The following DRC3 variants were observed in gnomAD, a reference collection of about 807,000 sequenced individuals.
DRC3 encodes the protein leucine rich repeat containing 48.
Under a neutral mutation model 57.6 loss-of-function variants are expected in DRC3, and 45 were observed. The observed-to-expected ratio is 0.78, with a 90% confidence interval of 0.62 to 1.00. DRC3 has a LOEUF of 1.00. DRC3 is among the 50% of genes least tolerant of loss of function. The pLI is 0.00. For synonymous variants in DRC3, 257 were observed against 272.3 expected (o/e 0.94, Z 0.55); for missense variants, 655 against 675.2 (o/e 0.97, Z 0.33).
chr17:17,985,202 C>T (rs899318238), intron 4 of DRC3, among the ~76,000 whole-genome samples: 1 of 152,240 alleles, frequency 6.6e-6, no homozygotes, highest in Non-Finnish European at 1.5e-5. Context: ...AACCTGAATA[C>T]TGGTCTTGGT....
At chr17:18,011,575 C>T in intron 12 of DRC3, 1 of 166,858 alleles carries the variant, frequency 6.0e-6, no homozygotes, top group South Asian at 1.2e-4. Context: ...GGCCTCTGTG[C>T]CCAAGAAGAT....
intron 12 of DRC3, chr17:18,007,919 C>T: frequency 1.1e-6 from 1 of 918,222 alleles, no homozygotes; most frequent in Non-Finnish European, 1.3e-6. Context: ...TCTTTACTGT[C>T]CTCTTACAGT....
chr17:17,983,669 T>G lies in DRC3; in HGVS notation c.161-159T>G, dbSNP rs534278639. ...CGCCCACCTCATAGGGACACAATGT[T>G]CCTCGATGCTCAGCCGACATCTCCA... On this transcript the variant is annotated intron_variant, in intron 3 of 13. Coordinates refer to ENST00000399187, the MANE Select transcript of DRC3 (RefSeq NM_031294.4). Among the ~76,000 whole-genome samples, 4 of 152,244 alleles carry G rather than the reference T, an allele frequency of 2.6e-5. No homozygotes were observed. In the East Asian group the frequency reaches 7.7e-4, roughly 29 times the overall value.
intron 3 of DRC3, among the ~76,000 whole-genome samples, chr17:17,981,914 C>T (rs1311930536): frequency 1.3e-5 from 2 of 151,298 alleles, no homozygotes; most frequent in African/African-American, 4.9e-5. Flanking sequence ...TCTCAAACTC[C>T]TGGTCTCAAG....
chr17:17,979,015 G>A (rs2042527195), intron 3 of DRC3, among the ~76,000 whole-genome samples: 2 of 152,292 alleles, frequency 1.3e-5, no homozygotes, highest in African/African-American at 2.4e-5. Flanking sequence ...TGGTGTGGAG[G>A]AAAAAAGGAA....
rs750640489 is a variant in DRC3 at position 17,977,733 on chromosome 17, C to T, written c.135C>T (p.Val45=). Residue 45 remains valine (V), a synonymous_variant, in exon 3 of 14, where the codon GTC becomes GTT. Transcript: ENST00000399187. The part of the protein sequence containing the change: ...AKQEGILFKD[V]LSLQLDFRNI... ...AGGAGGGCATCCTCTTCAAGGATGT[C>T]CTGTCCCTGCAGCTGGACTTTCGGA... 1.9e-6 allele frequency: 3 copies of T among 1,610,014 alleles called. No homozygotes were observed. Among genetic ancestry groups the T allele is most frequent in the East Asian group, 2.2e-5 (1 of 44,786 alleles).
rs538328562 is a variant in DRC3, at chr17:17,983,883, G to A, written c.216G>A (p.Leu72=). 16 of 1,613,502 alleles carry A rather than the reference G, an allele frequency of 9.9e-6. No individual in the cohort carries two copies. The highest frequency in any genetic ancestry group is 1.6e-4 in the Middle Eastern group (1 of 6,076). Residue 72 remains leucine (L), a synonymous_variant, in exon 4 of 14, where the codon CTG becomes CTA. Coordinates refer to ENST00000399187, the MANE Select transcript of DRC3 (RefSeq NM_031294.4). ...WQFENLRKLQ[L]DNNIIEKIEG... is the part of the protein sequence containing the mutation. ...TTGAGAACTTGAGGAAGCTGCAGCT[G>A]GACAATAACATCATTGAGAAGATCG...
chr17:18,006,321 T>C (rs367985198), intron 11 of DRC3, 68 bp downstream of exon 11: 3 of 1,158,048 alleles, frequency 2.6e-6, no homozygotes, highest in South Asian at 1.3e-5. Context: ...TCCCGGCCTC[T>C]GGACAAAAGA....
At chr17:18,002,111 T>C (rs914935185) in intron 9 of DRC3, among the ~76,000 whole-genome samples, 8 of 151,992 alleles carry the variant, frequency 5.3e-5, no homozygotes, top group Admixed American at 1.3e-4. Flanking sequence ...GAGGTTGCAG[T>C]GAACCAAGAT....
intron 2 of DRC3, among the ~76,000 whole-genome samples, chr17:17,974,767 T>C (rs994377993): frequency 6.6e-6 from 1 of 152,188 alleles, no homozygotes; most frequent in African/African-American, 2.4e-5. Context: ...TACAATTTCA[T>C]AGTTCCCTAC....
Position 18,016,659 on chromosome 17 carries a change from C to T in DRC3, c.1560C>T (p.Asp520=). ...AACTGGACAACCTGGAATGTGGCGA[C>T]ATCCTAGACTAGATGAATGTCAGCC... ...QSELDNLECG[D]ILD Residue 520 remains aspartate (D), a synonymous_variant, in exon 14 of 14, where the codon GAC becomes GAT. Transcript: ENST00000399187. 6.2e-7 allele frequency: 1 copy of T among 1,608,880 alleles called. No individual in the cohort carries two copies. Among genetic ancestry groups the T allele is most frequent in the Non-Finnish European group, 8.5e-7 (1 of 1,175,406 alleles).
chr17:18,004,655 T>C, intron 10 of DRC3, 161 bp downstream of exon 10: 4 of 704,540 alleles, frequency 5.7e-6, no homozygotes, highest in Non-Finnish European at 9.2e-6. Flanking sequence ...TTTGCTTTTA[T>C]TACATTTTAA....
In DRC3 at chr17:17,992,805, G is replaced by C; in HGVS notation, c.485G>C (p.Ser162Thr). Reference protein sequence around the residue: ...LRRFKCLRTLSLSRNPISEAE... With the variant: ...LRRFKCLRTLTLSRNPISEAE... Reference sequence around the variant, plus strand: ...CGGTTCAAGTGCCTGCGGACGCTCAGCCTCTCTAGGAACCCTATCTCTGAG... The same window carrying C: ...CGGTTCAAGTGCCTGCGGACGCTCACCCTCTCTAGGAACCCTATCTCTGAG... Residue 162 changes from serine to threonine, a missense_variant, in exon 6 of 14, where the codon AGC becomes ACC. By Grantham distance (58) the Ser-to-Thr change is moderately conservative (BLOSUM62 1). Coordinates refer to ENST00000399187, the MANE Select transcript of DRC3 (RefSeq NM_031294.4). The C allele has an allele frequency of 6.2e-7, 1 of 1,613,842 alleles. No individual in the cohort carries two copies. Among genetic ancestry groups the C allele is most frequent in the Non-Finnish European group, 8.5e-7 (1 of 1,179,848 alleles).
At position 17,974,922 on chromosome 17, in the gene DRC3, C is replaced by T. The variant is rs1352421531; in HGVS notation, c.-18+960C>T. Among the ~76,000 whole-genome samples, 3 of 152,188 alleles carry T rather than the reference C, an allele frequency of 2.0e-5. No individual in the cohort carries two copies. In the South Asian group the frequency reaches 6.2e-4, roughly 32 times the overall value. ...TGTGGACTAAATACGTGATCTCACA[C>T]AAATGCAGAAGGGAGAAATTATCCA... On this transcript the variant is annotated intron_variant, in intron 2 of 13. Coordinates refer to ENST00000399187, the MANE Select transcript of DRC3 (RefSeq NM_031294.4).
intron 1 of DRC3, among the ~76,000 whole-genome samples, chr17:17,973,353 T>C (rs753012496): frequency 6.6e-6 from 1 of 152,228 alleles, no homozygotes; most frequent in Non-Finnish European, 1.5e-5. Context: ...AATGATTTCA[T>C]CTTGGTACTG....
rs1276597129 is a variant in DRC3 at position 18,008,189 on chromosome 17, C to T, written c.1326+1042C>T. Among the ~76,000 whole-genome samples the T allele has an allele frequency of 6.6e-6, 1 of 152,010 alleles. No homozygotes were observed. The highest frequency in any genetic ancestry group is 1.5e-5 in the Non-Finnish European group (1 of 68,014). On this transcript the variant is annotated intron_variant, in intron 12 of 13. Coordinates refer to ENST00000399187, the MANE Select transcript of DRC3 (RefSeq NM_031294.4). The surrounding 1 kb of genome is among the most constrained non-coding windows in gnomAD (Gnocchi z 4.3). ...TTCAGTTGATATTCCACCTGGCAGA[C>T]ACGCTCTTCCTAGGTCCCCATGTGC...
In DRC3 at chr17:17,992,956, C is replaced by T. The variant is rs147583933; in HGVS notation, c.591+45C>T. 827 of 1,606,654 alleles carry T rather than the reference C, an allele frequency of 5.1e-4. 2 individuals are homozygous for T. The African/African-American group carries it at 9.3e-3, about 18-fold the overall frequency. ...TCTCCCAGCCCTGTGAGACAGATTCCTCAAGCCCCCAGGTTTCTTGGAAAA... is the reference window on the plus strand; with the variant it reads ...TCTCCCAGCCCTGTGAGACAGATTCTTCAAGCCCCCAGGTTTCTTGGAAAA... On this transcript the variant is annotated intron_variant, in intron 6 of 13. Coordinates refer to ENST00000399187, the MANE Select transcript of DRC3 (RefSeq NM_031294.4).
chr17:17,973,286 G>T (rs988357219), intron 1 of DRC3, among the ~76,000 whole-genome samples: 1 of 152,048 alleles, frequency 6.6e-6, no homozygotes, highest in Non-Finnish European at 1.5e-5. Context: ...AGAGGTACCC[G>T]GTCCACTGAT....
At chr17:18,003,484 TAAAAAAAAAA>T (rs71155309) in intron 9 of DRC3, among the ~76,000 whole-genome samples, 4 of 30,126 alleles carry the variant, frequency 1.3e-4, no homozygotes, top group East Asian at 1.0e-3. Context: ...ACTACGTCTT[TAAAAAAAAAA>T]AAAAAAAAAA....
Sources: gnomAD v4.1 joint callset for allele counts (sites outside exome capture counted in the v4.1 genomes callset) on GRCh38, gnomAD v4.1.1 for gene constraint, Gnocchi (gnomAD v3.1) non-coding constraint, MANE v1.5 for transcripts, NCBI Gene and HGNC (gene_info 2026-07-23, HGNC 2026-07-21) for gene names.